TMPRSS6: variants seen among roughly 807,000 people sequenced by gnomAD.
TMPRSS6 encodes transmembrane protease serine 6.
A neutral mutation model predicts 101.5 loss-of-function variants in TMPRSS6; 67 were observed. That is an observed-to-expected ratio of 0.66 (90% CI 0.54 to 0.81). The LOEUF (loss-of-function observed/expected upper bound fraction) is 0.81. Ranked by LOEUF, TMPRSS6 falls within the 30% of genes least tolerant of loss-of-function variation. TMPRSS6 has a pLI of 0.00. For missense variants in TMPRSS6, 1,034 were observed against 1,088.7 expected (o/e 0.95, Z 0.71); for synonymous variants, 453 against 464.9 (o/e 0.97, Z 0.33).
At chr22:37,080,660 A>G (rs1312508276) in intron 10 of TMPRSS6, among the ~76,000 whole-genome samples, 1 of 152,232 alleles carries the variant, frequency 6.6e-6, no homozygotes, top group Non-Finnish European at 1.5e-5. Flanking sequence ...CTTCCCTTCC[A>G]CATTCATTCA....
chr22:37,089,696 G>A lies in TMPRSS6; in HGVS notation c.718C>T (p.Leu240=). ...AGCATGAGGTCCTTGGGGCCCTGCA[G>A]GTGCCACAGGCAGCTGGAGGCCAGG... ...DHLASSCLWH[L]QGPKDLMLKL... Residue 240 remains leucine (L), a synonymous_variant, in exon 7 of 18, where the codon CTG becomes TTG. Transcript: ENST00000676104. 1.9e-6 allele frequency: 3 copies of A among 1,612,310 alleles called. No individual in the cohort carries two copies. The highest frequency in any genetic ancestry group is 2.5e-6 in the Non-Finnish European group (3 of 1,179,320).
chr22:37,084,677 G>A, intron 9 of TMPRSS6, 50 bp downstream of exon 9: 2 of 1,455,502 alleles, frequency 1.4e-6, no homozygotes, highest in Non-Finnish European at 1.9e-6. Context: ...CCAGGGACCT[G>A]TAGTGTGCTT....
rs371101172 is a variant in TMPRSS6, at chr22:37,075,983, A to AAGAAAGAGAAAGAAAGAAGAAAG, written c.1197-704_1197-703insCTTTCTTCTTTCTTTCTCTTTCT. Among the ~76,000 whole-genome samples, 788 of 151,452 alleles carry AAGAAAGAGAAAGAAAGAAGAAAG rather than the reference A, an allele frequency of 5.2e-3. 10 individuals carry two copies. Among genetic ancestry groups the AAGAAAGAGAAAGAAAGAAGAAAG allele is most frequent in the African/African-American group, 0.018 (737 of 41,070 alleles). ...GAAGGGAGGGAGGGAAAAAGAAAGAAAGAAAGAGAAAGAAAGGAAGAAAGA... is the reference window on the plus strand; with the variant it reads ...GAAGGGAGGGAGGGAAAAAGAAAGAAAGAAAGAGAAAGAAAGAAGAAAGAGAAAGAGAAAGAAAGGAAGAAAGA... On this transcript the variant is annotated intron_variant, in intron 10 of 17. Coordinates refer to ENST00000676104, the MANE Select transcript of TMPRSS6 (RefSeq NM_001374504.1).
intron 12 of TMPRSS6, 78 bp from the exon 13 acceptor site, chr22:37,073,723 G>T: frequency 2.2e-6 from 2 of 890,926 alleles, no homozygotes; most frequent in South Asian, 2.6e-5. Flanking sequence ...CCTGTAGAAG[G>T]TGTGCTGTAT....
chr22:37,086,887 G>T (rs911692787), intron 7 of TMPRSS6, among the ~76,000 whole-genome samples: 1 of 152,160 alleles, frequency 6.6e-6, no homozygotes, highest in African/African-American at 2.4e-5. Context: ...TGACCCCCAG[G>T]GTGCCCCAGA....
intron 6 of TMPRSS6, among the ~76,000 whole-genome samples, chr22:37,091,466 G>C (rs1929256045): frequency 6.6e-6 from 1 of 152,050 alleles, no homozygotes; most frequent in Non-Finnish European, 1.5e-5. Context: ...GAGGGAACTG[G>C]AGAGAAGGAG....
At chr22:37,072,978 T>G (rs1927251713) in intron 13 of TMPRSS6, among the ~76,000 whole-genome samples, 1 of 141,444 alleles carries the variant, frequency 7.1e-6, no homozygotes, top group African/African-American at 2.7e-5. Flanking sequence ...GGTGGAAGGA[T>G]GATGGATGGA....
chr22:37,109,203 G>A (rs1601584571), intron 1 of TMPRSS6: 1 of 152,536 alleles, frequency 6.6e-6, no homozygotes, highest in Non-Finnish European at 1.5e-5. Flanking sequence ...CAGGGGTAGG[G>A]TGGCCTCTCC....
At chr22:37,075,369 G>A in intron 10 of TMPRSS6, 89 bp from the exon 11 acceptor site, 1 of 1,563,424 alleles carries the variant, frequency 6.4e-7, no homozygotes, top group Non-Finnish European at 8.7e-7. Flanking sequence ...AGCCAGAGGG[G>A]CAGGGGGAGC....
In TMPRSS6 at chr22:37,095,631, A is replaced by C. The variant is rs528395355; in HGVS notation, c.590-39T>G. 2.2e-4 allele frequency: 192 copies of C among 868,458 alleles called. 1 individual carries two copies. In the South Asian group the frequency reaches 5.3e-3, roughly 24 times the overall value. The allele number at this position is 868,458 out of a possible 1,614,324, so 53.8% of individuals were successfully genotyped here. A position where few individuals can be genotyped will look rare whatever the true frequency, so the allele number is the denominator to read the frequency against. On this transcript the variant is annotated intron_variant, in intron 5 of 17. Coordinates refer to ENST00000676104, the MANE Select transcript of TMPRSS6 (RefSeq NM_001374504.1). ...ATGAACAAACAAATAAACAAGAACA[A>C]AAAAAAAAAAAAAGAAAAGAAAATA...
At chr22:37,081,688 C>T (rs1928282689) in intron 10 of TMPRSS6, among the ~76,000 whole-genome samples, 1 of 152,088 alleles carries the variant, frequency 6.6e-6, no homozygotes, top group African/African-American at 2.4e-5. Context: ...TGTCAGGCCT[C>T]ATCCTCACCA....
intron 10 of TMPRSS6, among the ~76,000 whole-genome samples, chr22:37,077,450 G>A (rs533186122): frequency 6.6e-6 from 1 of 152,332 alleles, no homozygotes; most frequent in South Asian, 2.1e-4. Context: ...AGTTCTCAAA[G>A]CACAGTCAGG....
At chr22:37,080,126 G>C (rs1373207398) in intron 10 of TMPRSS6, 1 of 152,316 alleles carries the variant, frequency 6.6e-6, no homozygotes, top group African/African-American at 2.4e-5. Flanking sequence ...CAGCCCGTGA[G>C]AGTGGCTTCT....
At chr22:37,095,757 A>C in intron 5 of TMPRSS6, 149 bp downstream of exon 5, 3 of 1,221,260 alleles carry the variant, frequency 2.5e-6, no homozygotes, top group Non-Finnish European at 3.5e-6. Flanking sequence ...CTTGAATGCA[A>C]TGGCACTGCT....
intron 14 of TMPRSS6, 34 bp downstream of exon 14, chr22:37,070,882 A>G: frequency 6.2e-7 from 1 of 1,601,040 alleles, no homozygotes; most frequent in Non-Finnish European, 8.5e-7. Flanking sequence ...CTCCCTCCCA[A>G]GCTCCAGGGC....
chr22:37,072,484 T>TGGATGGAG (rs1443175684), intron 13 of TMPRSS6, among the ~76,000 whole-genome samples: 3 of 54,812 alleles, frequency 5.5e-5, no homozygotes, highest in South Asian at 5.6e-4. Context: ...GATGGATGGA[T>TGGATGGAG]GATGGATGAT....
intron 1 of TMPRSS6, among the ~76,000 whole-genome samples, chr22:37,106,862 ACT>A (rs1186277637): frequency 1.3e-5 from 2 of 151,994 alleles, no homozygotes; most frequent in Non-Finnish European, 2.9e-5. Context: ...ACTGTGGGGA[ACT>A]CTTACCAGGC....
intron 9 of TMPRSS6, 55 bp downstream of exon 9, chr22:37,084,672 G>T: frequency 7.0e-7 from 1 of 1,428,716 alleles, no homozygotes; most frequent in Non-Finnish European, 9.6e-7. Flanking sequence ...GGTCACCAGG[G>T]ACCTGTAGTG....
chr22:37,092,230 G>A (rs1929334347), intron 6 of TMPRSS6, among the ~76,000 whole-genome samples: 4 of 151,978 alleles, frequency 2.6e-5, no homozygotes, highest in Admixed American at 2.0e-4. Flanking sequence ...CCCTCCCCCA[G>A]CCTTTGCCCC....
Sources: allele counts gnomAD v4.1 joint callset (sites outside exome capture counted in the v4.1 genomes callset), GRCh38; gene constraint gnomAD v4.1.1; transcripts MANE v1.5; gene names NCBI Gene and HGNC (gene_info 2026-07-23, HGNC 2026-07-21).